The following KCNH5 variants were observed in gnomAD, a reference collection of about 807,000 sequenced individuals.
KCNH5 encodes the protein voltage-gated delayed rectifier potassium channel KCNH5.
A neutral mutation model predicts 96.1 loss-of-function variants in KCNH5; 46 were observed. The observed-to-expected ratio is 0.48, with a 90% CI of 0.38 to 0.61. The LOEUF is 0.61. Ranked by LOEUF, KCNH5 falls within the 20% of genes least tolerant of loss-of-function variation. KCNH5 has a pLI of 0.00. For missense variants in KCNH5, 907 were observed against 1,225.8 expected, an observed-to-expected ratio of 0.74 and a Z score of 3.88; for synonymous variants, 439 against 449.8, an observed-to-expected ratio of 0.98 and a Z score of 0.30.
intron 7 of KCNH5, among the ~76,000 whole-genome samples, chr14:62,901,496 G>A (rs191568557): frequency 6.6e-6 from 1 of 152,182 alleles, no homozygotes; most frequent in East Asian, 1.9e-4. Context: ...TTCTGTTCCT[G>A]GGTTAATTCA....
chr14:62,767,780 T>C (rs1885892363), intron 10 of KCNH5, among the ~76,000 whole-genome samples: 1 of 152,178 alleles, frequency 6.6e-6, no homozygotes, highest in Non-Finnish European at 1.5e-5. Context: ...TTTTCCCATG[T>C]AGCAAACCTG....
At chr14:62,753,460 A>G (rs1885547598) in intron 10 of KCNH5, among the ~76,000 whole-genome samples, 1 of 152,194 alleles carries the variant, frequency 6.6e-6, no homozygotes, top group African/African-American at 2.4e-5. Context: ...CCAAACATAG[A>G]CAAAGATACC....
At chr14:62,799,847 ATATT>A (rs1039986342) in intron 9 of KCNH5, among the ~76,000 whole-genome samples, 4 of 141,978 alleles carry the variant, frequency 2.8e-5, no homozygotes, top group African/African-American at 1.0e-4. Flanking sequence ...TATATTATAT[ATATT>A]TAATATTTAA....
chr14:62,788,378 A>ACCAC (rs1886363209), intron 9 of KCNH5, among the ~76,000 whole-genome samples: 4 of 152,180 alleles, frequency 2.6e-5, no homozygotes, highest in Non-Finnish European at 4.4e-5. Context: ...CTACTTACGG[A>ACCAC]TGAGCAAAGA....
chr14:62,752,301 C>A (rs1489223643), intron 10 of KCNH5, among the ~76,000 whole-genome samples: 1 of 151,934 alleles, frequency 6.6e-6, no homozygotes, highest in Non-Finnish European at 1.5e-5. Flanking sequence ...CAAGGAAAGA[C>A]CCCTTCTGCT....
At chr14:62,860,386 T>C (rs1888009699) in intron 7 of KCNH5, among the ~76,000 whole-genome samples, 1 of 152,228 alleles carries the variant, frequency 6.6e-6, no homozygotes, top group Non-Finnish European at 1.5e-5. Flanking sequence ...GCAAAACTCA[T>C]TTAGCTTCTA....
At chr14:62,866,737 C>T (rs1199517877) in intron 7 of KCNH5, among the ~76,000 whole-genome samples, 1 of 152,086 alleles carries the variant, frequency 6.6e-6, no homozygotes, top group African/African-American at 2.4e-5. Flanking sequence ...CTTTCAAGTT[C>T]CCATTTAATC....
intron 6 of KCNH5, among the ~76,000 whole-genome samples, chr14:62,974,934 A>T (rs1315368263): frequency 6.6e-6 from 1 of 152,192 alleles, no homozygotes; most frequent in Non-Finnish European, 1.5e-5. Flanking sequence ...GGAAACAAAC[A>T]CATACAAATG....
chr14:62,948,407 A>C (rs1480367930), intron 7 of KCNH5, among the ~76,000 whole-genome samples: 3 of 152,166 alleles, frequency 2.0e-5, no homozygotes, highest in African/African-American at 7.2e-5. Flanking sequence ...TAGAAAATCT[A>C]GAAGAAATGG....
intron 6 of KCNH5, among the ~76,000 whole-genome samples, chr14:62,971,034 A>G (rs1450650889): frequency 6.6e-6 from 1 of 152,138 alleles, no homozygotes; most frequent in Admixed American, 6.5e-5. Flanking sequence ...AAGAAAAGGT[A>G]TACTTACTGG....
At chr14:62,788,936 TG>T (rs1886375356) in intron 9 of KCNH5, among the ~76,000 whole-genome samples, 1 of 152,152 alleles carries the variant, frequency 6.6e-6, no homozygotes, top group African/African-American at 2.4e-5. Flanking sequence ...GGCTCTATTA[TG>T]GTGGTCTGGT....
intron 1 of KCNH5, among the ~76,000 whole-genome samples, chr14:63,039,167 T>A (rs1891777670): frequency 6.6e-6 from 1 of 152,144 alleles, no homozygotes; most frequent in South Asian, 2.1e-4. Context: ...TATCTCTTGC[T>A]ATATGGTTTC....
chr14:62,915,198 C>T (rs1889250510), intron 7 of KCNH5, among the ~76,000 whole-genome samples: 1 of 152,160 alleles, frequency 6.6e-6, no homozygotes, highest in South Asian at 2.1e-4. Context: ...ACTAATTGTG[C>T]TTTTTTCCTG....
At chr14:62,756,112 GA>G (rs1885618923) in intron 10 of KCNH5, among the ~76,000 whole-genome samples, 1 of 151,080 alleles carries the variant, frequency 6.6e-6, no homozygotes, top group South Asian at 2.1e-4. Context: ...AAAGTTCTAA[GA>G]TACAAAATCA....
intron 10 of KCNH5, among the ~76,000 whole-genome samples, chr14:62,750,463 G>A (rs11158452): frequency 0.14 from 20,937 of 152,064 alleles, 1,669 homozygotes; most frequent in Non-Finnish European, 0.18. Context: ...TGTCATTGCC[G>A]TGGCTGAGGG....
intron 7 of KCNH5, among the ~76,000 whole-genome samples, chr14:62,899,371 A>G (rs1019918020): frequency 6.6e-6 from 1 of 152,204 alleles, no homozygotes; most frequent in Non-Finnish European, 1.5e-5. Flanking sequence ...AAAACAAATC[A>G]TGTACTGTAT....
At position 62,700,261 on chromosome 14, in the gene KCNH5, A is replaced by G. The variant is rs1398878099; in HGVS notation, c.*7247T>C. The G allele has an allele frequency of 6.6e-6, 1 of 152,222 alleles. No individual in the cohort carries two copies. The highest frequency in any genetic ancestry group is 1.5e-5 in the Non-Finnish European group (1 of 68,026). 9.4% of individuals were successfully genotyped at this position (152,222 alleles called of 1,614,324 possible). A position where few individuals can be genotyped will look rare whatever the true frequency, so the allele number is the denominator to read the frequency against. On this transcript the variant is annotated 3_prime_UTR_variant, in exon 11 of 11. Transcript: ENST00000322893. ...AAAGTCATTGCTCTTTCAACAAACT[A>G]CAATGGATGTTTTAGGGTAAAAAAA...
chr14:62,916,135 G>T (rs1889270154), intron 7 of KCNH5, among the ~76,000 whole-genome samples: 1 of 151,866 alleles, frequency 6.6e-6, no homozygotes, highest in Admixed American at 6.6e-5. Flanking sequence ...TGTATTTTTA[G>T]TAGAGACGGG....
At chr14:63,017,030 CAAACTTAT>C (rs1891339890) in intron 1 of KCNH5, 76 bp from the exon 2 acceptor site, 1 of 1,420,098 alleles carries the variant, frequency 7.0e-7, no homozygotes, top group Non-Finnish European at 9.6e-7. Context: ...ATCAAAAAGG[CAAACTTAT>C]AAAGATGGAC....
Sources: allele counts gnomAD v4.1 joint callset (sites outside exome capture counted in the v4.1 genomes callset), GRCh38; gene constraint gnomAD v4.1.1; transcripts MANE v1.5; gene names NCBI Gene and HGNC (gene_info 2026-07-23, HGNC 2026-07-21).